CDH23: variants seen among roughly 807,000 people sequenced by gnomAD.
The protein encoded by CDH23 is cadherin-23.
In CDH23, 189 loss-of-function variants were observed where a neutral mutation model predicts 317.1. The observed-to-expected ratio is 0.60, with a 90% CI of 0.53 to 0.67. The LOEUF is 0.67. CDH23 is among the 30% of genes least tolerant of loss of function. The pLI, the probability that CDH23 is intolerant of heterozygous loss-of-function variation, is 0.00. For missense variants in CDH23, 4,401 were observed against 4,592.4 expected (o/e 0.96, Z 1.20); for synonymous variants, 1,839 against 1,876.8 (o/e 0.98, Z 0.52).
chr10:71,722,747 C>T (rs138325105), intron 28 of CDH23, among the ~76,000 whole-genome samples: 1 of 152,292 alleles, frequency 6.6e-6, no homozygotes, highest in East Asian at 1.9e-4. Context: ...AGGGCATGAA[C>T]ATGCAAATAT....
intron 3 of CDH23, among the ~76,000 whole-genome samples, chr10:71,462,180 C>G (rs1851028260): frequency 6.6e-6 from 1 of 152,214 alleles, no homozygotes; most frequent in Non-Finnish European, 1.5e-5. Context: ...GAAGGCAGGC[C>G]CGGGAGGCGA....
In CDH23 at chr10:71,690,478, G is replaced by A. The variant is rs1865145969; in HGVS notation, c.2070G>A (p.Val690=). 1.9e-6 allele frequency: 3 copies of A among 1,604,776 alleles called. No individual in the cohort carries two copies. The highest frequency in any genetic ancestry group is 1.3e-5 in the African/African-American group (1 of 74,800). Residue 690 remains valine, a synonymous_variant, in exon 20 of 70, where the codon GTG becomes GTA. Transcript: ENST00000224721. ...TTTTTCCCCCTGAAGGAGCCACGGT[G>A]CTGTTCCTGAATGCCACAGACCTGG... ...VVENIMAGAT[V]LFLNATDLDR...
At chr10:71,494,414 A>T (rs1401674535) in intron 3 of CDH23, among the ~76,000 whole-genome samples, 1 of 152,162 alleles carries the variant, frequency 6.6e-6, no homozygotes, top group Non-Finnish European at 1.5e-5. Context: ...GGATAAGAAC[A>T]TTGTATATGG....
chr10:71,484,230 A>G (rs10400093), intron 3 of CDH23, among the ~76,000 whole-genome samples: 1,590 of 152,340 alleles, frequency 0.01, 27 homozygotes, highest in African/African-American at 0.037. Context: ...TTGCTCTTAA[A>G]TAGCTTCATT....
intron 1 of CDH23, among the ~76,000 whole-genome samples, chr10:71,408,566 G>T (rs1848215301): frequency 6.6e-6 from 1 of 152,188 alleles, no homozygotes; most frequent in Non-Finnish European, 1.5e-5. Flanking sequence ...GCTGGGACAG[G>T]CATGGGGTGT....
In CDH23 at chr10:71,782,854, G is replaced by A. The variant is rs565972200; in HGVS notation, c.5369-1433G>A. Reference sequence around the variant, plus strand: ...CCAGGCAGGGTGAAGCCTATGGGACGGGAAGAGCCTGGGAGCGGAAGGGCT... The same window carrying A: ...CCAGGCAGGGTGAAGCCTATGGGACAGGAAGAGCCTGGGAGCGGAAGGGCT... On this transcript the variant is annotated intron_variant, in intron 41 of 69. Coordinates refer to ENST00000224721, the MANE Select transcript of CDH23 (RefSeq NM_022124.6). 7.2e-5 allele frequency among the ~76,000 whole-genome samples: 11 copies of A among 152,376 alleles called. No homozygotes were observed. In the South Asian group the frequency reaches 2.1e-3, roughly 29 times the overall value.
chr10:71,519,627 A>G (rs755948415), intron 6 of CDH23, among the ~76,000 whole-genome samples: 1 of 152,232 alleles, frequency 6.6e-6, no homozygotes, highest in Non-Finnish European at 1.5e-5. Flanking sequence ...GGAGGCCATA[A>G]ACAAGGTGTT....
chr10:71,784,834 C>A, intron 42 of CDH23, 57 bp from the exon 43 acceptor site: 1 of 1,446,370 alleles, frequency 6.9e-7, no homozygotes, highest in Non-Finnish European at 9.7e-7. Context: ...CCTCGGTTGC[C>A]ATGCACAACA....
intron 14 of CDH23, chr10:71,647,732 G>T (rs1288316908): frequency 6.6e-6 from 1 of 152,228 alleles, no homozygotes; most frequent in Non-Finnish European, 1.5e-5. Flanking sequence ...ACTCCCCCTA[G>T]TGGACCCAGG....
Position 71,633,866 on chromosome 10 carries a change from C to A in CDH23, c.1135-9995C>A, listed in dbSNP as rs559146141. Among the ~76,000 whole-genome samples the A allele has an allele frequency of 2.4e-4, 36 of 152,322 alleles. No homozygotes were observed. The South Asian group carries it at 7.5e-3, about 32-fold the overall frequency. On this transcript the variant is annotated intron_variant, in intron 11 of 69. Transcript: ENST00000224721. ...TCTTCTCAGCTCCCTCTCTGCCACC[C>A]AACCATGCAGGAAAGGTGGAATCAC...
At chr10:71,466,868 C>A (rs1406687661) in intron 3 of CDH23, among the ~76,000 whole-genome samples, 1 of 151,546 alleles carries the variant, frequency 6.6e-6, no homozygotes, top group Non-Finnish European at 1.5e-5. Flanking sequence ...GACAAGACAG[C>A]ATGAGGGGTG....
chr10:71,729,516 G>A (rs964437807), intron 30 of CDH23, among the ~76,000 whole-genome samples: 10 of 152,198 alleles, frequency 6.6e-5, no homozygotes, highest in Admixed American at 5.9e-4. Flanking sequence ...CTGCCCTAGG[G>A]GACGGAAGTT....
chr10:71,515,607 A>G (rs1442382892), intron 6 of CDH23, among the ~76,000 whole-genome samples: 1 of 152,094 alleles, frequency 6.6e-6, no homozygotes, highest in Non-Finnish European at 1.5e-5. Flanking sequence ...TGACTTGGGC[A>G]TGCAGGATAG....
intron 3 of CDH23, among the ~76,000 whole-genome samples, chr10:71,460,286 A>G (rs990532880): frequency 1.3e-5 from 2 of 152,212 alleles, no homozygotes; most frequent in Non-Finnish European, 2.9e-5. Context: ...AACACGGTGG[A>G]CAGGGCACAA....
In CDH23 at chr10:71,793,574, G is replaced by A. The variant is rs551039321; in HGVS notation, c.6646G>A (p.Ala2216Thr). The change falls in exon 48 of 70, where the codon GCC (alanine) becomes ACC (threonine). Residue 2216 changes from alanine to threonine, a missense_variant. Ala to Thr is a moderately conservative substitution (Grantham distance 58). Transcript: ENST00000224721. ...AGAGTACCACATTGTCGGCATTGTG[G>A]CCAAGGACGACACTGATCGCCTGGT... ...KLEYHIVGIV[A>T]KDDTDRLVPN... The A allele has an allele frequency of 3.1e-6, 5 of 1,612,546 alleles. No homozygotes were observed. The South Asian group carries it at 5.5e-5, about 18-fold the overall frequency.
rs770510708 is a variant in CDH23 at position 71,646,473 on chromosome 10, G to C, written c.1305G>C (p.Glu435Asp). 27 of 1,613,818 alleles carry C rather than the reference G, an allele frequency of 1.7e-5. 1 individual carries two copies. The highest frequency in any genetic ancestry group is 2.1e-5 in the Non-Finnish European group (25 of 1,179,850). Residue 435 changes from glutamate to aspartate, a missense_variant, in exon 14 of 70, where the codon GAG becomes GAC. Glu to Asp is a conservative substitution (Grantham distance 45). Transcript: ENST00000224721. ...DRYDFDLFAN[E>D]SVPDHVGYAK... ...TGCACCCCCAGCTCTTTGCCAATGA[G>C]AGTGTGCCTGACCATGTGGGCTATG...
At chr10:71,625,885 G>T (rs370081934) in intron 11 of CDH23, among the ~76,000 whole-genome samples, 1 of 152,168 alleles carries the variant, frequency 6.6e-6, no homozygotes, top group Non-Finnish European at 1.5e-5. Flanking sequence ...TAAGTGAGCC[G>T]CAGCATTCTT....
At chr10:71,536,229 G>A (rs1244723772) in intron 6 of CDH23, among the ~76,000 whole-genome samples, 1 of 152,240 alleles carries the variant, frequency 6.6e-6, no homozygotes, top group Admixed American at 6.5e-5. Flanking sequence ...GTGGAAGGAG[G>A]GCTCGAGGCA....
intron 11 of CDH23, among the ~76,000 whole-genome samples, chr10:71,636,116 A>G (rs1429746889): frequency 6.6e-6 from 1 of 152,042 alleles, no homozygotes; most frequent in East Asian, 1.9e-4. Flanking sequence ...GGGCGAGATA[A>G]AGAGAGAAAC....
Sources: gnomAD v4.1 joint callset for allele counts (sites outside exome capture counted in the v4.1 genomes callset) on GRCh38, gnomAD v4.1.1 for gene constraint, MANE v1.5 for transcripts, NCBI Gene and HGNC (gene_info 2026-07-23, HGNC 2026-07-21) for gene names.